Variants in NRG1 observed in about 807,000 individuals in gnomAD.
NRG1 encodes the protein neuregulin 1, also known as pro-neuregulin-1, membrane-bound isoform.
Under a neutral mutation model 63.8 loss-of-function variants are expected in NRG1, and 18 were observed. The ratio of observed to expected loss-of-function variants is 0.28; its 90% CI spans 0.19 to 0.42. The LOEUF (loss-of-function observed/expected upper bound fraction) is 0.42. Ranked by LOEUF, NRG1 falls within the 10% of genes least tolerant of loss-of-function variation. NRG1 has a pLI of 1.00. For missense variants in NRG1, 762 were observed against 814.7 expected (o/e 0.94, Z 0.79); for synonymous variants, 302 against 301.3 (o/e 1.00, Z -0.02).
intron 1 of NRG1, among the ~76,000 whole-genome samples, chr8:32,089,597 A>G (rs1258563839): frequency 1.3e-5 from 2 of 152,226 alleles, no homozygotes; most frequent in African/African-American, 2.4e-5. Flanking sequence ...CTGTAGCAAC[A>G]TAAAGATAGA....
chr8:32,619,483 G>A (rs1277822452), intron 5 of NRG1, among the ~76,000 whole-genome samples: 2 of 152,178 alleles, frequency 1.3e-5, no homozygotes, highest in Non-Finnish European at 2.9e-5. Context: ...CCTGTGTGAA[G>A]AATGGCTCAC....
intron 1 of NRG1, among the ~76,000 whole-genome samples, chr8:32,307,327 T>A (rs1280366290): frequency 6.6e-6 from 1 of 152,082 alleles, no homozygotes; most frequent in South Asian, 2.1e-4. Flanking sequence ...CTCCTGAAAA[T>A]CTGGGGCCTC....
intron 1 of NRG1, among the ~76,000 whole-genome samples, chr8:32,433,436 T>G (rs1818412061): frequency 6.6e-6 from 1 of 152,152 alleles, no homozygotes; most frequent in Non-Finnish European, 1.5e-5. Context: ...GTGGACTTCT[T>G]AGCATGCCTC....
intron 1 of NRG1, among the ~76,000 whole-genome samples, chr8:31,769,693 G>A (rs1197368072): frequency 6.6e-6 from 1 of 152,094 alleles, no homozygotes; most frequent in Non-Finnish European, 1.5e-5. Context: ...GGACACCAAT[G>A]GTGAACTAAT....
intron 1 of NRG1, among the ~76,000 whole-genome samples, chr8:32,047,607 T>A (rs1365735605): frequency 6.6e-6 from 1 of 152,070 alleles, no homozygotes; most frequent in Non-Finnish European, 1.5e-5. Flanking sequence ...AGTTGTTCTC[T>A]AGATCTCTTT....
At chr8:32,404,294 G>T (rs1295782075) in intron 1 of NRG1, among the ~76,000 whole-genome samples, 1 of 147,146 alleles carries the variant, frequency 6.8e-6, no homozygotes, top group Non-Finnish European at 1.5e-5. Flanking sequence ...ATCAGGGAAG[G>T]AGGAACCATA....
chr8:32,001,316 A>T (rs989525845), intron 1 of NRG1, among the ~76,000 whole-genome samples: 2 of 151,820 alleles, frequency 1.3e-5, no homozygotes, highest in Admixed American at 6.6e-5. Flanking sequence ...GTCTCATGAG[A>T]TCTGATGGTT....
intron 1 of NRG1, among the ~76,000 whole-genome samples, chr8:32,577,090 GC>G (rs1428631166): frequency 1.3e-5 from 2 of 152,110 alleles, no homozygotes; most frequent in African/African-American, 4.8e-5. Flanking sequence ...TTCTGTTCCT[GC>G]ATTAATTCGC....
intron 5 of NRG1, among the ~76,000 whole-genome samples, chr8:32,690,425 T>C (rs1466234332): frequency 1.3e-5 from 2 of 152,070 alleles, no homozygotes; most frequent in Non-Finnish European, 2.9e-5. Flanking sequence ...ACCTACTGTA[T>C]TGCAAATTTA....
At chr8:32,024,530 G>C (rs1228788470) in intron 1 of NRG1, among the ~76,000 whole-genome samples, 2 of 152,178 alleles carry the variant, frequency 1.3e-5, no homozygotes, top group Non-Finnish European at 2.9e-5. Flanking sequence ...TTGGAAGATG[G>C]CTGGGAAATA....
chr8:31,688,259 G>A (rs1246518301), intron 1 of NRG1, among the ~76,000 whole-genome samples: 3 of 152,096 alleles, frequency 2.0e-5, no homozygotes, highest in Non-Finnish European at 4.4e-5. Flanking sequence ...TAGGACCTTT[G>A]GAAGATGATT....
chr8:32,755,234 A>G (rs970294799), intron 8 of NRG1, among the ~76,000 whole-genome samples: 2 of 152,198 alleles, frequency 1.3e-5, no homozygotes, highest in South Asian at 2.1e-4. Context: ...ACTATGTGAC[A>G]TGGATTCTCT....
At chr8:32,726,521 T>C (rs902805518) in intron 5 of NRG1, among the ~76,000 whole-genome samples, 4 of 152,128 alleles carry the variant, frequency 2.6e-5, no homozygotes, top group African/African-American at 9.7e-5. Flanking sequence ...TTTGCTGTTA[T>C]TCGAAAAAGC....
At chr8:32,166,362 T>C (rs1371450083) in intron 1 of NRG1, among the ~76,000 whole-genome samples, 1 of 152,204 alleles carries the variant, frequency 6.6e-6, no homozygotes, top group African/African-American at 2.4e-5. Flanking sequence ...CTCCAGCTTG[T>C]AGTTTGCCAA....
chr8:32,494,892 A>G (rs772801699), intron 1 of NRG1, among the ~76,000 whole-genome samples: 39 of 152,204 alleles, frequency 2.6e-4, no homozygotes, highest in Admixed American at 6.5e-5. Context: ...ATAAAGTCAC[A>G]AAATGTGTAA....
intron 5 of NRG1, among the ~76,000 whole-genome samples, chr8:32,677,205 A>G (rs1259072129): frequency 4.6e-5 from 7 of 152,212 alleles, no homozygotes; most frequent in Non-Finnish European, 8.8e-5. Flanking sequence ...TTATTAGTAA[A>G]TATTTAAGTT....
chr8:32,070,937 C>T (rs1356350979), intron 1 of NRG1, among the ~76,000 whole-genome samples: 1 of 152,198 alleles, frequency 6.6e-6, no homozygotes, highest in Non-Finnish European at 1.5e-5. Context: ...CCTCCCACCT[C>T]ACCTCAGCTT....
chr8:32,105,079 T>C (rs1187594151), intron 1 of NRG1, among the ~76,000 whole-genome samples: 1 of 152,168 alleles, frequency 6.6e-6, no homozygotes. Flanking sequence ...GTGCAGTAGG[T>C]ATGTTTACGC....
chr8:32,268,072 T>C (rs1401226569), intron 1 of NRG1, among the ~76,000 whole-genome samples: 2 of 152,114 alleles, frequency 1.3e-5, no homozygotes, highest in Non-Finnish European at 2.9e-5. Flanking sequence ...TTTACTTCCT[T>C]ATTGACTTTG....
Sources: allele counts gnomAD v4.1 joint callset (sites outside exome capture counted in the v4.1 genomes callset), GRCh38; gene constraint gnomAD v4.1.1; transcripts MANE v1.5; gene names NCBI Gene and HGNC (gene_info 2026-07-23, HGNC 2026-07-21).